ATRNL1: variants seen among roughly 807,000 people sequenced by gnomAD.
ATRNL1 encodes the protein attractin-like protein 1.
Under a neutral mutation model 182.7 loss-of-function variants are expected in ATRNL1, and 95 were observed. The ratio of observed to expected loss-of-function variants is 0.52; its 90% CI spans 0.44 to 0.62. The LOEUF (loss-of-function observed/expected upper bound fraction) is 0.62. ATRNL1 is among the 20% of genes least tolerant of loss of function. The pLI, the probability that ATRNL1 is intolerant of heterozygous loss-of-function variation, is 0.00. For synonymous variants in ATRNL1, 576 were observed against 568.3 expected (o/e 1.01, Z -0.19); for missense variants, 1,471 against 1,679.5 (o/e 0.88, Z 2.17).
intron 19 of ATRNL1, among the ~76,000 whole-genome samples, chr10:115,335,612 T>C (rs1855446017): frequency 6.6e-6 from 1 of 152,206 alleles, no homozygotes; most frequent in African/African-American, 2.4e-5. Context: ...TTGGTATCCA[T>C]GCGGATTAAT....
rs916388275 is a variant in ATRNL1, at chr10:115,734,085, A to G, written c.3903+6730A>G. ...CATTTTAATTATTTTGTGGTATATC[A>G]TCATTTATTTGCCTATTCTGTTTTC... On this transcript the variant is annotated intron_variant, in intron 27 of 28. Coordinates refer to ENST00000355044, the MANE Select transcript of ATRNL1 (RefSeq NM_207303.4). Among the ~76,000 whole-genome samples, 5 of 152,118 alleles carry G rather than the reference A, an allele frequency of 3.3e-5. No homozygotes were observed. In the South Asian group the frequency reaches 8.3e-4, roughly 25 times the overall value.
chr10:115,181,328 G>T (rs952369899), intron 8 of ATRNL1, among the ~76,000 whole-genome samples: 2 of 151,834 alleles, frequency 1.3e-5, no homozygotes, highest in African/African-American at 4.8e-5. Flanking sequence ...GGAATCAAAA[G>T]ATGCCATTTA....
chr10:115,780,584 A>G (rs1434017125), intron 27 of ATRNL1, among the ~76,000 whole-genome samples: 1 of 152,170 alleles, frequency 6.6e-6, no homozygotes, highest in African/African-American at 2.4e-5. Context: ...GGAAGAGTAA[A>G]GAGGACTTTG....
intron 19 of ATRNL1, among the ~76,000 whole-genome samples, chr10:115,373,467 T>TTCAC (rs1554948655): frequency 6.6e-6 from 1 of 152,080 alleles, no homozygotes; most frequent in Non-Finnish European, 1.5e-5. Flanking sequence ...CTTTTGACTT[T>TTCAC]TCACTAATGA....
At chr10:115,194,797 A>AT (rs1302437919) in intron 8 of ATRNL1, among the ~76,000 whole-genome samples, 19 of 148,678 alleles carry the variant, frequency 1.3e-4, no homozygotes, top group Non-Finnish European at 2.2e-4. Context: ...TATAAAAGTG[A>AT]TTTTTTTTTC....
chr10:115,756,627 A>G (rs1369963936), intron 27 of ATRNL1, among the ~76,000 whole-genome samples: 3 of 152,114 alleles, frequency 2.0e-5, no homozygotes, highest in African/African-American at 4.8e-5. Flanking sequence ...GCTCAGAAAA[A>G]TGTATATTCT....
chr10:115,829,251 A>G (rs985259612), intron 27 of ATRNL1, among the ~76,000 whole-genome samples: 4 of 152,216 alleles, frequency 2.6e-5, no homozygotes, highest in African/African-American at 9.6e-5. Flanking sequence ...AGGAAAAGAA[A>G]AGGGAAATTT....
intron 26 of ATRNL1, among the ~76,000 whole-genome samples, chr10:115,638,906 T>C (rs1396589427): frequency 1.3e-5 from 2 of 152,150 alleles, no homozygotes; most frequent in African/African-American, 4.8e-5. Context: ...AGTTCTTACA[T>C]GATAGGAACT....
intron 26 of ATRNL1, among the ~76,000 whole-genome samples, chr10:115,685,041 C>G (rs1332153570): frequency 6.6e-6 from 1 of 151,704 alleles, no homozygotes; most frequent in Non-Finnish European, 1.5e-5. Context: ...CATTTCCAAT[C>G]ATAAATCCAT....
chr10:115,693,450 T>C (rs1440272406), intron 26 of ATRNL1, among the ~76,000 whole-genome samples: 1 of 152,106 alleles, frequency 6.6e-6, no homozygotes, highest in Non-Finnish European at 1.5e-5. Flanking sequence ...TTTTGTTAGC[T>C]TCAGTACCTT....
chr10:115,803,329 T>C (rs568818914), intron 27 of ATRNL1, among the ~76,000 whole-genome samples: 1 of 152,254 alleles, frequency 6.6e-6, no homozygotes, highest in Admixed American at 6.5e-5. Context: ...AAGGATATAA[T>C]ATATTGCATT....
chr10:115,771,279 G>A (rs572762768), intron 27 of ATRNL1, among the ~76,000 whole-genome samples: 1 of 149,580 alleles, frequency 6.7e-6, no homozygotes, highest in Non-Finnish European at 1.5e-5. Flanking sequence ...CGCCCAGGCC[G>A]GACTGCAGTG....
intron 20 of ATRNL1, among the ~76,000 whole-genome samples, chr10:115,421,494 A>T (rs1845649273): frequency 6.6e-6 from 1 of 152,150 alleles, no homozygotes; most frequent in Non-Finnish European, 1.5e-5. Flanking sequence ...AAAATTTAAC[A>T]TTCCTCCATG....
intron 26 of ATRNL1, among the ~76,000 whole-genome samples, chr10:115,692,295 CTATT>C (rs1467885832): frequency 6.6e-6 from 1 of 152,132 alleles, no homozygotes; most frequent in African/African-American, 2.4e-5. Context: ...GCAGACAGAA[CTATT>C]TATTCTTTGA....
intron 26 of ATRNL1, among the ~76,000 whole-genome samples, chr10:115,691,198 T>C (rs1946383116): frequency 2.0e-5 from 3 of 152,166 alleles, no homozygotes; most frequent in South Asian, 2.1e-4. Flanking sequence ...GGAACTTCCA[T>C]AGTGTTTTCC....
At chr10:115,682,842 ATTT>A (rs1946094189) in intron 26 of ATRNL1, among the ~76,000 whole-genome samples, 2 of 152,150 alleles carry the variant, frequency 1.3e-5, no homozygotes, top group Admixed American at 6.6e-5. Flanking sequence ...AAGAAACTAC[ATTT>A]TTAAGTATCA....
intron 13 of ATRNL1, among the ~76,000 whole-genome samples, chr10:115,274,072 T>C (rs1554914153): frequency 1.3e-5 from 2 of 152,166 alleles, no homozygotes; most frequent in African/African-American, 4.8e-5. Flanking sequence ...CAGAGGATGG[T>C]GATGTTTTGC....
intron 25 of ATRNL1, among the ~76,000 whole-genome samples, chr10:115,522,769 A>G (rs1851009354): frequency 6.6e-6 from 1 of 151,128 alleles, no homozygotes; most frequent in Admixed American, 6.6e-5. Context: ...TATCTCCAAG[A>G]TACAATGGTG....
chr10:115,572,938 G>A (rs1418686837), intron 26 of ATRNL1, among the ~76,000 whole-genome samples: 3 of 152,108 alleles, frequency 2.0e-5, no homozygotes, highest in Non-Finnish European at 4.4e-5. Context: ...CCAGGTGAGC[G>A]CTTTGGGCTC....
Sources: allele counts gnomAD v4.1 joint callset (sites outside exome capture counted in the v4.1 genomes callset), GRCh38; gene constraint gnomAD v4.1.1; transcripts MANE v1.5; gene names NCBI Gene and HGNC (gene_info 2026-07-23, HGNC 2026-07-21).